The following SATB2 variants were observed in gnomAD, a reference collection of about 807,000 sequenced individuals.
SATB2 encodes DNA-binding protein SATB2.
SATB2 carries 1 observed loss-of-function variant against 73.4 expected under a neutral mutation model. The ratio of observed to expected loss-of-function variants is 0.01; its 90% confidence interval spans 0.00 to 0.06. The LOEUF is 0.06. Among genes scored for constraint, SATB2 ranks in the 10% least tolerant of loss-of-function variants. The probability of loss-of-function intolerance (pLI) is 1.00; values close to 1 mark genes in which losing one functional copy is unlikely to be tolerated. For missense variants in SATB2, 459 were observed against 945.8 expected (o/e 0.49, Z 6.75); for synonymous variants, 397 against 367.0 (o/e 1.08, Z -0.93).
intron 2 of SATB2, among the ~76,000 whole-genome samples, chr2:199,451,244 G>A (rs181347049): frequency 2.6e-5 from 4 of 151,792 alleles, no homozygotes; most frequent in East Asian, 3.9e-4. Flanking sequence ...TTTGAGGGGC[G>A]GATACCCTAT....
chr2:199,425,570 C>A (rs956588790), intron 3 of SATB2, among the ~76,000 whole-genome samples: 4 of 152,094 alleles, frequency 2.6e-5, no homozygotes, highest in African/African-American at 9.7e-5. Flanking sequence ...CAGCTTTTAC[C>A]CCCAAGCACT....
At chr2:199,449,922 T>C (rs1259597159) in intron 2 of SATB2, among the ~76,000 whole-genome samples, 2 of 152,086 alleles carry the variant, frequency 1.3e-5, no homozygotes, top group South Asian at 2.1e-4. Flanking sequence ...AAGAAAAGAA[T>C]AGAAACTAAA....
At chr2:199,401,767 A>C (rs1242336580) in intron 3 of SATB2, among the ~76,000 whole-genome samples, 1 of 152,158 alleles carries the variant, frequency 6.6e-6, no homozygotes, top group Non-Finnish European at 1.5e-5. Context: ...GCTGGCAGTA[A>C]GCTTGGAGAG....
At chr2:199,378,449 A>G (rs1043248182) in intron 5 of SATB2, among the ~76,000 whole-genome samples, 31 of 152,210 alleles carry the variant, frequency 2.0e-4, no homozygotes, top group African/African-American at 7.5e-4. Flanking sequence ...TAATCAAAAT[A>G]TGCATTTTAT....
upstream of SATB2, among the ~76,000 whole-genome samples, chr2:199,467,854 C>T (rs1692623199): frequency 6.6e-6 from 1 of 152,082 alleles, no homozygotes; most frequent in East Asian, 1.9e-4. Flanking sequence ...ATGGGGTGTC[C>T]CTGCCTCCAC....
At chr2:199,295,158 A>G (rs1230141130) in intron 10 of SATB2, among the ~76,000 whole-genome samples, 5 of 152,200 alleles carry the variant, frequency 3.3e-5, no homozygotes, top group African/African-American at 1.2e-4. Flanking sequence ...ATTTAAACTA[A>G]AGAAAAGCAT....
chr2:199,314,879 T>C (rs1410603392), intron 9 of SATB2, among the ~76,000 whole-genome samples: 1 of 152,154 alleles, frequency 6.6e-6, no homozygotes, highest in Non-Finnish European at 1.5e-5. Context: ...GTCTTTCTTT[T>C]CATCTCTTTC....
intron 6 of SATB2, among the ~76,000 whole-genome samples, chr2:199,362,485 G>A (rs1305667814): frequency 6.6e-6 from 1 of 151,706 alleles, no homozygotes; most frequent in Non-Finnish European, 1.5e-5. Context: ...TCCCCTGCCA[G>A]GTTAAGGACA....
At chr2:199,446,943 T>TC (rs991633366) in intron 2 of SATB2, among the ~76,000 whole-genome samples, 5 of 152,048 alleles carry the variant, frequency 3.3e-5, no homozygotes, top group Non-Finnish European at 5.9e-5. Context: ...AAAGAAATAT[T>TC]CCCCCCTAAG....
At chr2:199,432,421 AT>A (rs1366232142) in intron 3 of SATB2, among the ~76,000 whole-genome samples, 1 of 152,208 alleles carries the variant, frequency 6.6e-6, no homozygotes, top group Non-Finnish European at 1.5e-5. Flanking sequence ...GTTCTTAGGA[AT>A]TATATGAAGA....
At chr2:199,388,364 G>T (rs1690022288) in intron 3 of SATB2, among the ~76,000 whole-genome samples, 1 of 152,116 alleles carries the variant, frequency 6.6e-6, no homozygotes, top group Non-Finnish European at 1.5e-5. Flanking sequence ...AATAAGCCAA[G>T]ATGATAGCTT....
At chr2:199,345,978 C>G (rs1688639302) in intron 7 of SATB2, among the ~76,000 whole-genome samples, 1 of 151,994 alleles carries the variant, frequency 6.6e-6, no homozygotes, top group Admixed American at 6.6e-5. Flanking sequence ...TTTATACTTA[C>G]AAATTGATAA....
At chr2:199,393,172 T>C (rs1473889133) in intron 3 of SATB2, among the ~76,000 whole-genome samples, 2 of 152,188 alleles carry the variant, frequency 1.3e-5, no homozygotes, top group African/African-American at 4.8e-5. Context: ...TAAAAATATT[T>C]GGCACCTTTA....
intron 3 of SATB2, 140 bp from the exon 4 acceptor site, chr2:199,381,960 T>C (rs1165171718): frequency 1.1e-6 from 1 of 931,796 alleles, no homozygotes; most frequent in Non-Finnish European, 1.7e-6. Context: ...TGCAATAAGC[T>C]ATTTCTTTCT....
At chr2:199,356,580 G>A (rs1056934528) in intron 6 of SATB2, among the ~76,000 whole-genome samples, 2 of 152,088 alleles carry the variant, frequency 1.3e-5, no homozygotes, top group Admixed American at 6.6e-5. Context: ...GCTCTAGGTC[G>A]AATAACTGTC....
intron 3 of SATB2, among the ~76,000 whole-genome samples, chr2:199,424,564 A>G (rs542467378): frequency 6.6e-6 from 1 of 152,348 alleles, no homozygotes; most frequent in African/African-American, 2.4e-5. Context: ...ATAACACTGT[A>G]TCAAAGAAAA....
intron 7 of SATB2, among the ~76,000 whole-genome samples, chr2:199,339,336 A>T (rs1688435054): frequency 6.6e-6 from 1 of 152,202 alleles, no homozygotes; most frequent in South Asian, 2.1e-4. Flanking sequence ...AGATATTAAT[A>T]TTATTATAAT....
chr2:199,462,064 G>A (rs1692488038), upstream of SATB2, among the ~76,000 whole-genome samples: 1 of 152,180 alleles, frequency 6.6e-6, no homozygotes, highest in African/African-American at 2.4e-5. This position sits in a 1 kb window ranked among gnomAD's most constrained non-coding sequence, Gnocchi z 5.9. Flanking sequence ...CCATCCCCAA[G>A]GTCCATGGCT....
chr2:199,289,311 A>C (rs192713193), intron 10 of SATB2, among the ~76,000 whole-genome samples: 17 of 152,276 alleles, frequency 1.1e-4, no homozygotes, highest in African/African-American at 3.9e-4. Flanking sequence ...TTCTCAAGAA[A>C]ATGAGTCTCC....
Sources: allele counts gnomAD v4.1 joint callset (sites outside exome capture counted in the v4.1 genomes callset), GRCh38; gene constraint gnomAD v4.1.1; non-coding constraint Gnocchi (gnomAD v3.1); transcripts MANE v1.5; gene names NCBI Gene and HGNC (gene_info 2026-07-23, HGNC 2026-07-21).